The following OPCML variants were observed in gnomAD, a reference collection of about 807,000 sequenced individuals.
The protein encoded by OPCML is opioid-binding protein/cell adhesion molecule.
OPCML carries 13 observed loss-of-function variants against 37.8 expected under a neutral mutation model. The ratio of observed to expected loss-of-function variants is 0.34; its 90% CI spans 0.22 to 0.55. The LOEUF is 0.55. OPCML is among the 20% of genes least tolerant of loss of function. OPCML has a pLI of 0.91. For synonymous variants in OPCML, 176 were observed against 168.8 expected (o/e 1.04, Z -0.33); for missense variants, 341 against 435.6 (o/e 0.78, Z 1.93).
chr11:133,213,467 G>T (rs560424870), intron 1 of OPCML, among the ~76,000 whole-genome samples: 2 of 152,242 alleles, frequency 1.3e-5, no homozygotes, highest in East Asian at 3.9e-4. Context: ...TTTCAAGTGT[G>T]ACTGTCCTCA....
chr11:132,703,619 G>A (rs941142453), intron 2 of OPCML, among the ~76,000 whole-genome samples: 5 of 152,172 alleles, frequency 3.3e-5, no homozygotes, highest in Admixed American at 2.0e-4. Context: ...GTTCTTGGGT[G>A]GAATGATCCG....
At chr11:133,469,465 A>T (rs1161969556) in intron 1 of OPCML, among the ~76,000 whole-genome samples, 2 of 152,202 alleles carry the variant, frequency 1.3e-5, no homozygotes, top group African/African-American at 4.8e-5. Context: ...ACACATGATG[A>T]CATGTTGCTG....
At chr11:132,941,674 T>A (rs930060159) in intron 2 of OPCML, among the ~76,000 whole-genome samples, 1 of 152,140 alleles carries the variant, frequency 6.6e-6, no homozygotes, top group African/African-American at 2.4e-5. Context: ...GCCTCTCTAT[T>A]CTCCTTTTTT....
At chr11:132,840,769 G>A (rs1359975084) in intron 2 of OPCML, among the ~76,000 whole-genome samples, 2 of 152,110 alleles carry the variant, frequency 1.3e-5, no homozygotes, top group Non-Finnish European at 2.9e-5. Flanking sequence ...TTCTTTTTCA[G>A]GAGAACAGTA....
At chr11:133,437,316 T>A (rs1946253821) in intron 1 of OPCML, among the ~76,000 whole-genome samples, 1 of 152,184 alleles carries the variant, frequency 6.6e-6, no homozygotes, top group African/African-American at 2.4e-5. Flanking sequence ...GGGGCTAAGA[T>A]GAGATGGCGG....
intron 1 of OPCML, among the ~76,000 whole-genome samples, chr11:133,079,400 T>A (rs890611358): frequency 6.6e-6 from 1 of 152,168 alleles, no homozygotes. Flanking sequence ...CTGGAGTAGA[T>A]GGTGCTTCAG....
rs1555122542 is a variant in OPCML at position 132,441,171 on chromosome 11, T to TTTTTTTTTTG, written c.506-3813_506-3812insCAAAAAAAAA. ...GTTCACCAAGGACTTTTTTGTTTTT[T>TTTTTTTTTTG]TTTTTTTTTTTTTTGAGACGGAGTT... On this transcript the variant is annotated intron_variant, in intron 4 of 7. Coordinates refer to ENST00000524381, the MANE Select transcript of OPCML (RefSeq NM_001012393.5). Among the ~76,000 whole-genome samples the TTTTTTTTTTG allele has an allele frequency of 2.0e-3, 228 of 114,608 alleles. 8 individuals are homozygous for TTTTTTTTTTG. The highest frequency in any genetic ancestry group is 7.5e-3 in the African/African-American group (218 of 29,198). The allele number at this position is 114,608 out of a possible 152,430, so 75.2% of individuals were successfully genotyped here. A position where few individuals can be genotyped will look rare whatever the true frequency, so the allele number is the denominator to read the frequency against.
intron 2 of OPCML, among the ~76,000 whole-genome samples, chr11:132,700,019 A>C (rs1943746547): frequency 6.6e-6 from 1 of 151,662 alleles, no homozygotes; most frequent in Non-Finnish European, 1.5e-5. Context: ...CAATCCTTGT[A>C]ATTGGCCTAT....
chr11:133,151,198 G>A (rs371090424), intron 1 of OPCML, among the ~76,000 whole-genome samples: 16 of 152,086 alleles, frequency 1.1e-4, no homozygotes, highest in African/African-American at 3.4e-4. Flanking sequence ...ACTTGAACCC[G>A]GGAGGCGGAA....
chr11:133,327,860 G>A (rs183193448), intron 1 of OPCML, among the ~76,000 whole-genome samples: 2 of 152,284 alleles, frequency 1.3e-5, no homozygotes, highest in Admixed American at 1.3e-4. Flanking sequence ...GGAATCATGT[G>A]CACCAGGGTT....
intron 4 of OPCML, among the ~76,000 whole-genome samples, chr11:132,520,436 C>T (rs778420962): frequency 1.3e-5 from 2 of 152,078 alleles, no homozygotes; most frequent in Admixed American, 6.6e-5. Context: ...CTGCTATAAA[C>T]CCACTTGAGA....
intron 3 of OPCML, among the ~76,000 whole-genome samples, chr11:132,634,189 G>T (rs1203858300): frequency 1.3e-5 from 2 of 152,190 alleles, no homozygotes; most frequent in Non-Finnish European, 2.9e-5. Flanking sequence ...TGCCCAGCCT[G>T]GCTTCCAGGG....
intron 2 of OPCML, among the ~76,000 whole-genome samples, chr11:132,734,788 C>T (rs1945195946): frequency 6.6e-6 from 1 of 152,048 alleles, no homozygotes; most frequent in Non-Finnish European, 1.5e-5. Context: ...AATGCAAAGG[C>T]TACAGGATAT....
intron 2 of OPCML, among the ~76,000 whole-genome samples, chr11:132,777,358 A>G (rs1199616441): frequency 6.6e-6 from 1 of 152,174 alleles, no homozygotes; most frequent in African/African-American, 2.4e-5. Context: ...AGCTTCATGA[A>G]CATTACTTTT....
intron 3 of OPCML, among the ~76,000 whole-genome samples, chr11:132,583,961 AT>A (rs1359405685): frequency 6.6e-6 from 1 of 152,092 alleles, no homozygotes; most frequent in East Asian, 1.9e-4. Flanking sequence ...TCATGTAAGC[AT>A]TTTCAAACAA....
At chr11:133,243,991 T>A (rs958789942) in intron 1 of OPCML, among the ~76,000 whole-genome samples, 2 of 152,240 alleles carry the variant, frequency 1.3e-5, no homozygotes, top group East Asian at 3.9e-4. Flanking sequence ...TGGACATGCA[T>A]CCAGCCCCAG....
chr11:132,666,847 A>C (rs1942248442), intron 2 of OPCML, among the ~76,000 whole-genome samples: 1 of 152,168 alleles, frequency 6.6e-6, no homozygotes, highest in Non-Finnish European at 1.5e-5. Context: ...CCATGGTAAA[A>C]TGTCTGCATA....
intron 1 of OPCML, among the ~76,000 whole-genome samples, chr11:133,409,243 C>G (rs149409569): frequency 0.017 from 2,591 of 152,284 alleles, 35 homozygotes; most frequent in Non-Finnish European, 0.027. Context: ...TCAGACAGCG[C>G]GACTCCAGAG....
rs184552037 is a variant in OPCML, at chr11:133,428,017, A to G, written c.61+104247T>C. The stretch of plus-strand genomic sequence containing the variant: ...TGGATAAAAGATAACACCAAGATGA[A>G]AACTATGGAACAGACACAGTTACGA... On this transcript the variant is annotated intron_variant, in intron 1 of 7. Coordinates refer to ENST00000524381, the MANE Select transcript of OPCML (RefSeq NM_001012393.5). 1.9e-3 allele frequency among the ~76,000 whole-genome samples: 293 copies of G among 152,328 alleles called. 2 individuals are homozygous for G. Among genetic ancestry groups the G allele is most frequent in the African/African-American group, 6.4e-3 (266 of 41,566 alleles).
Sources: allele counts gnomAD v4.1 joint callset (sites outside exome capture counted in the v4.1 genomes callset), GRCh38; gene constraint gnomAD v4.1.1; transcripts MANE v1.5; gene names NCBI Gene and HGNC (gene_info 2026-07-23, HGNC 2026-07-21).